The following EZR variants were observed in gnomAD, a reference collection of about 807,000 sequenced individuals.
EZR encodes the protein ezrin, also known as cytovillin 2.
Under a neutral mutation model 74.8 loss-of-function variants are expected in EZR, and 40 were observed. The observed-to-expected ratio is 0.53, with a 90% CI of 0.42 to 0.70. The LOEUF (loss-of-function observed/expected upper bound fraction) is 0.70, where lower values mean the gene tolerates loss of function less well. Among genes scored for constraint, EZR ranks in the 30% least tolerant of loss-of-function variants. EZR has a pLI of 0.00. For synonymous variants in EZR, 341 were observed against 283.3 expected (o/e 1.20, Z -2.05); for missense variants, 678 against 755.8 (o/e 0.90, Z 1.21).
chr6:158,781,467 T>C (rs1000820330), intron 7 of EZR, among the ~76,000 whole-genome samples: 1 of 152,198 alleles, frequency 6.6e-6, no homozygotes, highest in Non-Finnish European at 1.5e-5. Context: ...GCTCACGTTT[T>C]TACTTGGAAG....
chr6:158,782,928 C>T (rs762342785), intron 7 of EZR, among the ~76,000 whole-genome samples: 40 of 152,198 alleles, frequency 2.6e-4, no homozygotes, highest in Non-Finnish European at 4.3e-4. Context: ...TATGTGAAAG[C>T]GGAACTGCCT....
chr6:158,794,294 C>G (rs1026864530), intron 2 of EZR, among the ~76,000 whole-genome samples: 2 of 152,092 alleles, frequency 1.3e-5, no homozygotes, highest in African/African-American at 4.8e-5. Flanking sequence ...ACAACCACCA[C>G]CAGCACTACC....
Position 158,818,185 on chromosome 6 carries a change from C to CCTTA in EZR, c.-73-23_-73-20dup. ...TCCCAACCTGGAGTCAGAGCAGAAC[C>CCTTA]CTTAGAGCGCCCGCCCGCCCTGCCT... On this transcript the variant is annotated intron_variant, in intron 1 of 13. Transcript: ENST00000367075. The CCTTA allele has an allele frequency of 7.2e-7, 1 of 1,391,316 alleles. No individual in the cohort carries two copies. The highest frequency in any genetic ancestry group is 1.4e-5 in the African/African-American group (1 of 69,034). The allele number at this position is 1,391,316 out of a possible 1,614,324, so 86.2% of individuals were successfully genotyped here.
chr6:158,808,889 A>G, intron 2 of EZR, among the ~76,000 whole-genome samples: 1 of 152,226 alleles, frequency 6.6e-6, no homozygotes, highest in Non-Finnish European at 1.5e-5. Context: ...ACACTTTGAG[A>G]GACTGAGGCA....
intron 2 of EZR, among the ~76,000 whole-genome samples, chr6:158,800,263 ACT>A (rs1389075292): frequency 2.6e-5 from 4 of 152,340 alleles, no homozygotes; most frequent in Non-Finnish European, 5.9e-5. Flanking sequence ...AATTTATGAC[ACT>A]GACCTGACAG....
Position 158,784,461 on chromosome 6 carries a change from A to C in EZR, c.551+183T>G, listed in dbSNP as rs563897959. 2.0e-5 allele frequency among the ~76,000 whole-genome samples: 3 copies of C among 152,288 alleles called. No homozygotes were observed. The East Asian group carries it at 5.8e-4, about 29-fold the overall frequency. On this transcript the variant is annotated intron_variant, in intron 6 of 13. Transcript: ENST00000367075. ...GCTAAACTGCTTCTTTCCCCAGGCAAGACACCTGGCTTTGTTTAAAAAAAA... is the reference window on the plus strand; with the variant it reads ...GCTAAACTGCTTCTTTCCCCAGGCACGACACCTGGCTTTGTTTAAAAAAAA...
chr6:158,793,606 C>T (rs889759026), intron 2 of EZR, among the ~76,000 whole-genome samples: 1 of 152,162 alleles, frequency 6.6e-6, no homozygotes, highest in Non-Finnish European at 1.5e-5. Context: ...TTCTGGACAG[C>T]ACAAGTATTC....
intron 3 of EZR, among the ~76,000 whole-genome samples, chr6:158,788,070 T>C (rs764877449): frequency 6.6e-6 from 1 of 152,240 alleles, no homozygotes; most frequent in African/African-American, 2.4e-5. Flanking sequence ...TCCCATGATA[T>C]ATAATGTTAA....
At chr6:158,781,269 T>A (rs1429743541) in intron 7 of EZR, among the ~76,000 whole-genome samples, 2 of 152,112 alleles carry the variant, frequency 1.3e-5, no homozygotes, top group African/African-American at 4.8e-5. Context: ...AATATCTACA[T>A]AAATGCTTTT....
intron 2 of EZR, among the ~76,000 whole-genome samples, chr6:158,793,548 G>C (rs1161242075): frequency 6.6e-6 from 1 of 152,172 alleles, no homozygotes; most frequent in Non-Finnish European, 1.5e-5. Flanking sequence ...TCTGTTACTT[G>C]ATTAGTCATT....
chr6:158,790,451 G>A (rs1343132330), intron 2 of EZR, among the ~76,000 whole-genome samples: 2 of 152,224 alleles, frequency 1.3e-5, no homozygotes, highest in African/African-American at 4.8e-5. Flanking sequence ...GAGGCAGGTG[G>A]ACCACTTGAG....
chr6:158,818,326 G>T, intron 1 of EZR, 160 bp from the exon 2 acceptor site: 1 of 268,182 alleles, frequency 3.7e-6, no homozygotes, highest in Non-Finnish European at 6.9e-6. Context: ...TGGGGAGGGG[G>T]CACGGGCGGG....
intron 2 of EZR, among the ~76,000 whole-genome samples, chr6:158,815,987 TAAGA>T (rs896678134): frequency 3.9e-5 from 6 of 152,124 alleles, no homozygotes; most frequent in Non-Finnish European, 7.4e-5. Context: ...ATACCTGCCA[TAAGA>T]AATAAGAGAG....
intron 3 of EZR, among the ~76,000 whole-genome samples, chr6:158,788,651 A>G (rs1316917568): frequency 6.0e-5 from 3 of 50,346 alleles, no homozygotes; most frequent in Non-Finnish European, 1.7e-4. Context: ...AGTCTCAAAG[A>G]AAAAAAAAAA....
chr6:158,798,361 T>C (rs1341569756), intron 2 of EZR, among the ~76,000 whole-genome samples: 1 of 152,252 alleles, frequency 6.6e-6, no homozygotes, highest in African/African-American at 2.4e-5. Context: ...AAAATGAATT[T>C]TTAAAAACTA....
At chr6:158,797,469 T>C (rs1777097871) in intron 2 of EZR, among the ~76,000 whole-genome samples, 1 of 151,746 alleles carries the variant, frequency 6.6e-6, no homozygotes, top group African/African-American at 2.4e-5. Context: ...CCAGTCTGAG[T>C]AGAGCCATCC....
chr6:158,795,853 G>A (rs556524500), intron 2 of EZR, among the ~76,000 whole-genome samples: 1 of 152,320 alleles, frequency 6.6e-6, no homozygotes, highest in South Asian at 2.1e-4. Context: ...AGAGACGGGA[G>A]ACAGAGGGCC....
chr6:158,803,636 C>CAT (rs778538326), intron 2 of EZR, among the ~76,000 whole-genome samples: 493 of 36,300 alleles, frequency 0.014, 29 homozygotes, highest in African/African-American at 0.026. Context: ...CATATACATA[C>CAT]ATATATATAT....
chr6:158,783,821 G>A lies in EZR; in HGVS notation c.552-155C>T, dbSNP rs56333922. ...GCAGGCAGGGGCCGGGCAGCCGACC[G>A]GTGAGGAGGGGACCCATACAGCCCA... is the stretch of plus-strand genomic sequence containing the variant. On this transcript the variant is annotated intron_variant, in intron 6 of 13. Coordinates refer to ENST00000367075, the MANE Select transcript of EZR (RefSeq NM_001111077.2). Among the ~76,000 whole-genome samples, 897 of 152,284 alleles carry A rather than the reference G, an allele frequency of 5.9e-3. 5 individuals are homozygous for A. Among genetic ancestry groups the A allele is most frequent in the Non-Finnish European group, 9.5e-3 (649 of 68,024 alleles).
Sources: allele counts gnomAD v4.1 joint callset (sites outside exome capture counted in the v4.1 genomes callset), GRCh38; gene constraint gnomAD v4.1.1; transcripts MANE v1.5; gene names NCBI Gene and HGNC (gene_info 2026-07-23, HGNC 2026-07-21).